The following TXNDC5 variants were observed in gnomAD, a reference collection of about 807,000 sequenced individuals.
TXNDC5 encodes thioredoxin domain-containing protein 5.
TXNDC5 carries 44 observed loss-of-function variants against 52.6 expected under a neutral mutation model. The observed-to-expected ratio is 0.84, with a 90% CI of 0.66 to 1.08. The LOEUF (loss-of-function observed/expected upper bound fraction) is 1.08. Among genes scored for constraint, TXNDC5 ranks in the 50% least tolerant of loss-of-function variants. TXNDC5 has a pLI of 0.00. For missense variants in TXNDC5, 600 were observed against 565.5 expected, an observed-to-expected ratio of 1.06 and a Z score of -0.62; for synonymous variants, 241 against 234.4, an observed-to-expected ratio of 1.03 and a Z score of -0.26.
chr6:7,886,906 C>T (rs758794701), intron 7 of TXNDC5, among the ~76,000 whole-genome samples: 13 of 152,090 alleles, frequency 8.5e-5, no homozygotes, highest in Admixed American at 3.3e-4. Flanking sequence ...AGAAACATGA[C>T]GCCACACGCA....
chr6:7,904,608 C>T lies in TXNDC5; in HGVS notation c.379G>A (p.Val127Met), dbSNP rs564895754. 2.7e-5 allele frequency: 44 copies of T among 1,614,238 alleles called. 1 individual carries two copies. The South Asian group carries it at 3.6e-4, about 13-fold the overall frequency. ...AKVDCTAHSD[V>M]CSAQGVRGYP... Reference sequence around the variant, plus strand: ...CCTCGCACCCCCTGGGCGGAGCACACGTCGGAGTGGGCCGTGCAGTCCACT... The same window carrying T: ...CCTCGCACCCCCTGGGCGGAGCACATGTCGGAGTGGGCCGTGCAGTCCACT... The change falls in exon 2 of 10, where the codon GTG becomes ATG. Residue 127 changes from valine (V) to methionine (M), a missense_variant. Val to Met is a conservative substitution (Grantham distance 21). Transcript: ENST00000379757.
intron 3 of TXNDC5, 136 bp from the exon 4 acceptor site, chr6:7,895,338 T>C: frequency 2.7e-6 from 2 of 745,390 alleles, no homozygotes; most frequent in Non-Finnish European, 4.3e-6. Context: ...TGTACGATGC[T>C]GCTGTGCTGA....
At chr6:7,895,994 A>G (rs1358315087) in intron 3 of TXNDC5, among the ~76,000 whole-genome samples, 1 of 152,166 alleles carries the variant, frequency 6.6e-6, no homozygotes, top group African/African-American at 2.4e-5. Flanking sequence ...CTCTTCCTCA[A>G]AAAACACACA....
intron 5 of TXNDC5, among the ~76,000 whole-genome samples, chr6:7,890,456 C>T (rs527772448): frequency 6.6e-6 from 1 of 152,252 alleles, no homozygotes; most frequent in African/African-American, 2.4e-5. Context: ...TGAAGGGCTT[C>T]AGCGTGGTCA....
intron 9 of TXNDC5, among the ~76,000 whole-genome samples, chr6:7,883,760 TGTC>T (rs966004013): frequency 1.3e-4 from 20 of 152,202 alleles, no homozygotes; most frequent in African/African-American, 4.8e-4. Flanking sequence ...AAGGAAACTA[TGTC>T]TGGGTTACGT....
chr6:7,885,861 G>A (rs1759953272), intron 8 of TXNDC5, 100 bp downstream of exon 8: 45 of 1,011,076 alleles, frequency 4.5e-5, no homozygotes, highest in Non-Finnish European at 6.7e-5. Context: ...AATGTAACAT[G>A]TGCCCAACAT....
intron 1 of TXNDC5, among the ~76,000 whole-genome samples, chr6:7,908,281 C>CAA (rs57783770): frequency 2.4e-3 from 147 of 62,142 alleles, no homozygotes; most frequent in Non-Finnish European, 3.2e-3. Context: ...GACTCCATCT[C>CAA]AAAAAAAAAA....
intron 7 of TXNDC5, among the ~76,000 whole-genome samples, chr6:7,886,406 T>TGACA (rs1561805912): frequency 6.6e-6 from 1 of 151,910 alleles, no homozygotes; most frequent in Non-Finnish European, 1.5e-5. Flanking sequence ...CCTGGGTGTC[T>TGACA]GACACTTGAG....
intron 2 of TXNDC5, chr6:7,900,303 A>G (rs1760519402): frequency 6.6e-6 from 1 of 152,220 alleles, no homozygotes; most frequent in African/African-American, 2.4e-5. Flanking sequence ...TCCTTTAACC[A>G]TAAGCAAAAG....
At chr6:7,910,477 C>CA in intron 1 of TXNDC5, 37 bp downstream of exon 1, 1 of 1,382,694 alleles carries the variant, frequency 7.2e-7, no homozygotes, top group Non-Finnish European at 9.5e-7. Context: ...CGCGAAGCGC[C>CA]AAGTGCGGGG....
At chr6:7,884,637 G>A in intron 8 of TXNDC5, 149 bp from the exon 9 acceptor site, 1 of 1,095,348 alleles carries the variant, frequency 9.1e-7, no homozygotes, top group South Asian at 1.6e-5. Flanking sequence ...CCCACTGGGT[G>A]CACATTAACT....
intron 9 of TXNDC5, among the ~76,000 whole-genome samples, chr6:7,883,902 C>T (rs112998192): frequency 0.027 from 4,082 of 152,256 alleles, 74 homozygotes; most frequent in Non-Finnish European, 0.038. Flanking sequence ...AGCACAGGAC[C>T]GACTTGCTGG....
chr6:7,899,531 G>T, intron 3 of TXNDC5, 45 bp downstream of exon 3: 2 of 1,409,968 alleles, frequency 1.4e-6, no homozygotes, highest in Non-Finnish European at 2.0e-6. Context: ...TAGGCAGGGA[G>T]AGAGGGAGGG....
chr6:7,895,288 C>T (rs563671765), intron 3 of TXNDC5, 86 bp from the exon 4 acceptor site: 21 of 1,244,268 alleles, frequency 1.7e-5, no homozygotes, highest in Admixed American at 1.4e-4. Flanking sequence ...TGTGGGGAAC[C>T]GCCTGCAGAT....
chr6:7,893,292 G>C (rs118005676), intron 4 of TXNDC5, among the ~76,000 whole-genome samples: 2 of 152,270 alleles, frequency 1.3e-5, no homozygotes, highest in African/African-American at 2.4e-5. Flanking sequence ...CATCAGCACA[G>C]CAACAATGCA....
chr6:7,892,502 T>C (rs1014447831), intron 4 of TXNDC5, among the ~76,000 whole-genome samples: 1 of 152,194 alleles, frequency 6.6e-6, no homozygotes, highest in Non-Finnish European at 1.5e-5. Flanking sequence ...TGCACTTCAG[T>C]GCACATAAAG....
At chr6:7,892,298 A>T (rs572035375) in intron 4 of TXNDC5, among the ~76,000 whole-genome samples, 30 of 152,360 alleles carry the variant, frequency 2.0e-4, no homozygotes, top group African/African-American at 7.0e-4. Context: ...CAGGAAACAG[A>T]GAAATCAGGG....
In TXNDC5 at chr6:7,899,626, A is replaced by G. The variant is rs1224221456; in HGVS notation, c.469T>C (p.Phe157Leu). Residue 157 changes from phenylalanine to leucine, a missense_variant, in exon 3 of 10, where the codon TTC becomes CTC. Transcript: ENST00000379757. ...EAVKYQGPRD[F>L]QTLENWMLQT... ...AGCATCCAGTTTTCCAGTGTCTGGA[A>G]GTCCCGAGGACCCTGGTACTTCACA... 6.2e-7 allele frequency: 1 copy of G among 1,614,164 alleles called. No homozygotes were observed. Among genetic ancestry groups the G allele is most frequent in the South Asian group, 1.1e-5 (1 of 91,082 alleles).
At position 7,881,994 on chromosome 6, in the gene TXNDC5, A is replaced by ATGAGTTAGAGGACACTG. The variant is rs1554127276; in HGVS notation, c.*1133_*1149dup. On this transcript the variant is annotated 3_prime_UTR_variant, in exon 10 of 10. Transcript: ENST00000379757. ...AGAGGTGTTTAATCACAAGGACAGC[A>ATGAGTTAGAGGACACTG]TGAGTTAGAGGACACTGGCATCAAC... The ATGAGTTAGAGGACACTG allele has an allele frequency of 1.3e-5, 2 of 152,696 alleles. No homozygotes were observed. The highest frequency in any genetic ancestry group is 2.9e-5 in the Non-Finnish European group (2 of 68,058). 9.5% of individuals were successfully genotyped at this position (152,696 alleles called of 1,614,324 possible).
Sources: gnomAD v4.1 joint callset for allele counts (sites outside exome capture counted in the v4.1 genomes callset) on GRCh38, gnomAD v4.1.1 for gene constraint, MANE v1.5 for transcripts, NCBI Gene and HGNC (gene_info 2026-07-23, HGNC 2026-07-21) for gene names.